The following SANBR variants were observed in gnomAD, a reference collection of about 807,000 sequenced individuals.
SANBR encodes SANT and BTB domain regulator of class switch recombination.
Under a neutral mutation model 101.8 loss-of-function variants are expected in SANBR, and 77 were observed. That is an observed-to-expected ratio of 0.76 (90% CI 0.63 to 0.91). SANBR has a LOEUF of 0.91. Among genes scored for constraint, SANBR ranks in the 40% least tolerant of loss-of-function variants. The probability of loss-of-function intolerance (pLI) is 0.00; values close to 1 mark genes in which losing one functional copy is unlikely to be tolerated. For missense variants in SANBR, 875 were observed against 853.0 expected (o/e 1.03, Z -0.32); for synonymous variants, 279 against 274.7 (o/e 1.02, Z -0.15).
chr2:61,101,858 G>A (rs565977217), intron 12 of SANBR, among the ~76,000 whole-genome samples: 3 of 151,666 alleles, frequency 2.0e-5, no homozygotes, highest in South Asian at 2.1e-4. Context: ...CCAACATGGC[G>A]AAAACACTGT....
At chr2:61,126,163 A>G (rs1167957832), downstream of SANBR, among the ~76,000 whole-genome samples, 1 of 152,196 alleles carries the variant, frequency 6.6e-6, no homozygotes, top group Non-Finnish European at 1.5e-5. Context: ...ATTCAAACCC[A>G]TTCTTTTCCA....
At chr2:61,126,329 C>T (rs1427401905), downstream of SANBR, among the ~76,000 whole-genome samples, 2 of 152,194 alleles carry the variant, frequency 1.3e-5, no homozygotes, top group Non-Finnish European at 2.9e-5. Flanking sequence ...CTATCACCAC[C>T]CCCAGTTATT....
At chr2:61,099,313 A>G (rs1036796112) in intron 12 of SANBR, among the ~76,000 whole-genome samples, 12 of 152,236 alleles carry the variant, frequency 7.9e-5, no homozygotes, top group Admixed American at 3.9e-4. Flanking sequence ...GTTATCATAG[A>G]GAGAGCTGAT....
chr2:61,103,875 T>G lies in SANBR; in HGVS notation c.1388T>G (p.Met463Arg). ...CAGGGCTGTAAAGTGAGGGACCACA[T>G]GGTTACACTTCGTGATCAAGGTGAA... ...LTKGCKVRDH[M>R]VTLRDQGEGG... The change falls in exon 13 of 22, where the codon ATG (methionine) becomes AGG (arginine). Residue 463 changes from methionine (M) to arginine (R), a missense_variant. Met to Arg is a moderately conservative substitution (Grantham distance 91). Transcript: ENST00000402291. The G allele has an allele frequency of 6.2e-7, 1 of 1,614,208 alleles. No homozygotes were observed. The highest frequency in any genetic ancestry group is 8.5e-7 in the Non-Finnish European group (1 of 1,180,000).
intron 12 of SANBR, among the ~76,000 whole-genome samples, chr2:61,102,379 A>T (rs1362916039): frequency 6.6e-6 from 1 of 151,700 alleles, no homozygotes; most frequent in African/African-American, 2.4e-5. Context: ...AAAAAAAAAA[A>T]AAAAAAAAAA....
At chr2:61,087,727 T>C (rs1170141449) in intron 8 of SANBR, among the ~76,000 whole-genome samples, 1 of 151,966 alleles carries the variant, frequency 6.6e-6, no homozygotes, top group African/African-American at 2.4e-5. Flanking sequence ...CATGCACACC[T>C]GTAGTCCCAG....
At position 61,083,326 on chromosome 2, in the gene SANBR, A is replaced by C. The variant is rs747363904; in HGVS notation, c.890+12A>C. ...GATAAATTTAAAAGGTAATTTCAAA[A>C]GTTTAATTTTAAACCTAATACTCCT... On this transcript the variant is annotated intron_variant, in intron 8 of 21. Coordinates refer to ENST00000402291, the MANE Select transcript of SANBR (RefSeq NM_001129993.3). 25 of 1,497,018 alleles carry C rather than the reference A, an allele frequency of 1.7e-5. No individual in the cohort carries two copies. Among genetic ancestry groups the C allele is most frequent in the Admixed American group, 5.4e-5 (3 of 55,736 alleles). The allele number at this position is 1,497,018 out of a possible 1,614,324, so 92.7% of individuals were successfully genotyped here.
At chr2:61,083,697 G>A (rs1256462870) in intron 8 of SANBR, among the ~76,000 whole-genome samples, 2 of 151,918 alleles carry the variant, frequency 1.3e-5, no homozygotes, top group Non-Finnish European at 2.9e-5. Flanking sequence ...GTGAAACCCC[G>A]TCTCTACTAA....
At position 61,077,101 on chromosome 2, in the gene SANBR, A is replaced by G. The variant is rs945948315; in HGVS notation, c.613A>G (p.Ile205Val). The G allele has an allele frequency of 2.4e-5, 39 of 1,613,994 alleles. 1 individual carries two copies. The African/African-American group carries it at 4.4e-4, about 18-fold the overall frequency. ...CGACGTTCACATTTTCAACTGGTTG[A>G]TAAAATACATTAAAAGGAACACTAA... The part of the protein sequence containing the change: ...HCDVHIFNWL[I>V]KYIKRNTKEN... Residue 205 changes from isoleucine (I) to valine (V), a missense_variant, in exon 6 of 22, where the codon ATA becomes GTA. Coordinates refer to ENST00000402291, the MANE Select transcript of SANBR (RefSeq NM_001129993.3).
At chr2:61,088,836 T>G in intron 10 of SANBR, 2 of 972,740 alleles carry the variant, frequency 2.1e-6, no homozygotes, top group Non-Finnish European at 2.4e-6. Context: ...TTTTTAAATG[T>G]GAATTTCTAG....
At chr2:61,080,196 CA>C (rs57117097) in intron 6 of SANBR, among the ~76,000 whole-genome samples, 7,989 of 113,168 alleles carry the variant, frequency 0.071, 724 homozygotes, top group African/African-American at 0.23. Context: ...AACTTTGTCT[CA>C]AAAAAAAAAA....
intron 13 of SANBR, 70 bp from the exon 14 acceptor site, chr2:61,106,492 TA>T: frequency 2.0e-6 from 2 of 1,016,766 alleles, no homozygotes; most frequent in South Asian, 1.5e-5. Context: ...ACATTTGTAA[TA>T]AAAAGATATT....
intron 4 of SANBR, among the ~76,000 whole-genome samples, chr2:61,072,391 G>A (rs1293558666): frequency 6.6e-6 from 1 of 152,036 alleles, no homozygotes. Flanking sequence ...GGGCAACATA[G>A]CAAGACCCTG....
chr2:61,133,120 T>G (rs1296790134), intron 20 of SANBR, among the ~76,000 whole-genome samples: 1 of 152,100 alleles, frequency 6.6e-6, no homozygotes, highest in Non-Finnish European at 1.5e-5. Context: ...GGCATGGTGG[T>G]GCATTCCTGT....
intron 15 of SANBR, 145 bp from the exon 16 acceptor site, chr2:61,109,052 T>C (rs1683697835): frequency 2.4e-6 from 1 of 416,150 alleles, no homozygotes; most frequent in East Asian, 3.6e-5. Flanking sequence ...CTTATGTCTA[T>C]TTCCTGGATA....
chr2:61,127,687 CA>C (rs1684553769), downstream of SANBR, among the ~76,000 whole-genome samples: 3 of 151,210 alleles, frequency 2.0e-5, no homozygotes, highest in African/African-American at 7.3e-5. Flanking sequence ...ACATTATAAA[CA>C]GAAAAAAAGA....
intron 19 of SANBR, 116 bp downstream of exon 19, chr2:61,117,656 C>T (rs1243514982): frequency 2.7e-5 from 24 of 887,754 alleles, no homozygotes; most frequent in Non-Finnish European, 2.8e-5. Flanking sequence ...AAGTAAGGCC[C>T]CAAATTTGCA....
rs571860669 is a variant in SANBR at position 61,131,369 on chromosome 2, A to G, written c.2029-2768A>G. On this transcript the variant is annotated intron_variant, in intron 20 of 21. Coordinates refer to the SANBR transcript ENST00000295031. ...CAATACTTCAGGATATAGGATCAAT[A>G]TGAAGAAATCAACTTATTTCTATAT... 4.6e-5 allele frequency among the ~76,000 whole-genome samples: 7 copies of G among 152,376 alleles called. No individual in the cohort carries two copies. The East Asian group carries it at 1.3e-3, about 29-fold the overall frequency.
At chr2:61,116,190 T>G in intron 17 of SANBR, 120 bp downstream of exon 17, 1 of 653,908 alleles carries the variant, frequency 1.5e-6, no homozygotes. Context: ...AAAATGAAGT[T>G]TTTTATAGAC....
Sources: allele counts gnomAD v4.1 joint callset (sites outside exome capture counted in the v4.1 genomes callset), GRCh38; gene constraint gnomAD v4.1.1; transcripts MANE v1.5; gene names NCBI Gene and HGNC (gene_info 2026-07-23, HGNC 2026-07-21).